Variants in ATRN observed in about 807,000 individuals in gnomAD.
The protein encoded by ATRN is attractin-2.
Under a neutral mutation model 178.7 loss-of-function variants are expected in ATRN, and 54 were observed. The ratio of observed to expected loss-of-function variants is 0.30; its 90% CI spans 0.24 to 0.38. ATRN has a LOEUF of 0.38. ATRN is among the 10% of genes least tolerant of loss of function. ATRN has a pLI of 1.00. For missense variants in ATRN, 1,443 were observed against 1,815.1 expected (o/e 0.79, Z 3.73); for synonymous variants, 636 against 663.0 (o/e 0.96, Z 0.63).
intron 1 of ATRN, among the ~76,000 whole-genome samples, chr20:3,524,346 A>G (rs1387290183): frequency 6.6e-6 from 1 of 152,214 alleles, no homozygotes; most frequent in Non-Finnish European, 1.5e-5. Flanking sequence ...AAAGAGATCA[A>G]TGCAACAAGA....
At chr20:3,479,338 A>G (rs1022181395) in intron 1 of ATRN, among the ~76,000 whole-genome samples, 3 of 152,224 alleles carry the variant, frequency 2.0e-5, no homozygotes, top group African/African-American at 7.2e-5. Flanking sequence ...AGTTATAACT[A>G]TGAAGGGAAG....
At chr20:3,580,946 C>CA (rs989970157) in intron 15 of ATRN, among the ~76,000 whole-genome samples, 21 of 152,050 alleles carry the variant, frequency 1.4e-4, no homozygotes, top group Non-Finnish European at 1.8e-4. Context: ...TTTTTCCTCT[C>CA]AAAAATGGAA....
chr20:3,640,443 A>G (rs2087059219), intron 27 of ATRN, among the ~76,000 whole-genome samples: 1 of 152,236 alleles, frequency 6.6e-6, no homozygotes. Flanking sequence ...CAGAAATGAT[A>G]GCTTTCCAGA....
chr20:3,639,029 T>G, intron 27 of ATRN, 94 bp downstream of exon 27: 1 of 843,618 alleles, frequency 1.2e-6, no homozygotes, highest in Non-Finnish European at 1.8e-6. Flanking sequence ...CCCTATTCCA[T>G]TACCTCCTTT....
chr20:3,515,128 G>T (rs564917098), intron 1 of ATRN, among the ~76,000 whole-genome samples: 1 of 152,080 alleles, frequency 6.6e-6, no homozygotes, highest in Non-Finnish European at 1.5e-5. Context: ...TGTAATGAAC[G>T]TCTAAAACAG....
chr20:3,541,863 A>G (rs1369691324), intron 3 of ATRN, among the ~76,000 whole-genome samples: 1 of 152,232 alleles, frequency 6.6e-6, no homozygotes, highest in East Asian at 1.9e-4. Flanking sequence ...AAATCAGTTC[A>G]ACAAATATTT....
chr20:3,479,273 C>G (rs2084582921), intron 1 of ATRN, among the ~76,000 whole-genome samples: 1 of 152,154 alleles, frequency 6.6e-6, no homozygotes, highest in South Asian at 2.1e-4. Context: ...GTACTGTGCC[C>G]TTCCTTGAGG....
chr20:3,578,746 C>T lies in ATRN; in HGVS notation c.2518C>T (p.Arg840Ter), dbSNP rs1368168673. The change falls in exon 15 of 29, where the codon CGA becomes TGA. Residue 840 changes from arginine to a stop codon, truncating the protein, a stop_gained. Coordinates refer to ENST00000262919, the MANE Select transcript of ATRN (RefSeq NM_139321.3). LOFTEE classifies it high-confidence loss of function. ...KKVEFVLKQL[R>*]IMQSSQSMSK... ...GGTAGAATTTGTCCTTAAGCAGCTGCGAATAATGCAGTCATCTCAGAGCAT... is the reference window on the plus strand; with the variant it reads ...GGTAGAATTTGTCCTTAAGCAGCTGTGAATAATGCAGTCATCTCAGAGCAT... The T allele has an allele frequency of 1.9e-6, 3 of 1,612,998 alleles. No homozygotes were observed. Among genetic ancestry groups the T allele is most frequent in the Admixed American group, 1.7e-5 (1 of 59,836 alleles).
intron 14 of ATRN, among the ~76,000 whole-genome samples, chr20:3,577,809 A>G (rs574241541): frequency 5.3e-5 from 8 of 152,260 alleles, no homozygotes; most frequent in African/African-American, 1.2e-4. Context: ...CGACTGCTAC[A>G]CTGTGAGGAG....
At chr20:3,562,942 C>T (rs2085975295) in intron 9 of ATRN, among the ~76,000 whole-genome samples, 1 of 152,118 alleles carries the variant, frequency 6.6e-6, no homozygotes, top group African/African-American at 2.4e-5. Flanking sequence ...GTCAATATTT[C>T]ACATGATTTC....
At chr20:3,577,320 GCAGT>G (rs1323162031) in intron 14 of ATRN, among the ~76,000 whole-genome samples, 2 of 152,138 alleles carry the variant, frequency 1.3e-5, no homozygotes, top group African/African-American at 2.4e-5. Flanking sequence ...TGATGTCTCA[GCAGT>G]CAGTCTGCTG....
At chr20:3,633,472 G>T (rs1269782858) in intron 25 of ATRN, among the ~76,000 whole-genome samples, 1 of 152,214 alleles carries the variant, frequency 6.6e-6, no homozygotes, top group African/African-American at 2.4e-5. Context: ...AGCTCAGCCA[G>T]CAAGAGAGTA....
chr20:3,509,038 TAAG>T (rs1600054016), intron 1 of ATRN, among the ~76,000 whole-genome samples: 1 of 151,814 alleles, frequency 6.6e-6, no homozygotes, highest in Non-Finnish European at 1.5e-5. Context: ...AATGGAATAA[TAAG>T]AATATTTAAT....
At chr20:3,585,260 T>C (rs1013964655) in intron 18 of ATRN, among the ~76,000 whole-genome samples, 1 of 152,174 alleles carries the variant, frequency 6.6e-6, no homozygotes, top group African/African-American at 2.4e-5. Context: ...GTGAGGACTT[T>C]GTAAGGGAAA....
At chr20:3,521,341 GAAAA>G (rs904230967) in intron 1 of ATRN, among the ~76,000 whole-genome samples, 2 of 142,436 alleles carry the variant, frequency 1.4e-5, no homozygotes, top group South Asian at 4.4e-4. Context: ...AAAGTCAAGA[GAAAA>G]AAAAAACCCA....
intron 10 of ATRN, among the ~76,000 whole-genome samples, chr20:3,564,826 G>A (rs1642591975): frequency 6.6e-6 from 1 of 152,292 alleles, no homozygotes; most frequent in African/African-American, 2.4e-5. Flanking sequence ...AGCACTTTGG[G>A]AGGCCCAGGT....
At chr20:3,604,315 T>C in intron 24 of ATRN, 53 bp downstream of exon 24, 1 of 1,516,082 alleles carries the variant, frequency 6.6e-7, no homozygotes, top group Non-Finnish European at 8.8e-7. Flanking sequence ...ATCTCTTTAG[T>C]AAGACTAAAT....
In ATRN at chr20:3,601,029, A is replaced by G. The variant is rs1470636056; in HGVS notation, c.3643+5A>G. On this transcript the variant is annotated splice_donor_5th_base_variant and intron_variant, in intron 23 of 28. Coordinates refer to ENST00000262919, the MANE Select transcript of ATRN (RefSeq NM_139321.3). ...CCTGGGCTGCCAGTTTCTCAGGTAA[A>G]GACATACCTAGAGAAGACCCCGCAA... 3 of 1,603,908 alleles carry G rather than the reference A, an allele frequency of 1.9e-6. No individual in the cohort carries two copies. The highest frequency in any genetic ancestry group is 4.5e-5 in the East Asian group (2 of 44,800).
chr20:3,546,671 G>A (rs974906851), intron 4 of ATRN, among the ~76,000 whole-genome samples: 2 of 152,072 alleles, frequency 1.3e-5, no homozygotes, highest in Non-Finnish European at 1.5e-5. Flanking sequence ...GATTACAGCC[G>A]TGAGCCACTG....
Sources: allele counts gnomAD v4.1 joint callset (sites outside exome capture counted in the v4.1 genomes callset), GRCh38; gene constraint gnomAD v4.1.1; transcripts MANE v1.5; gene names NCBI Gene and HGNC (gene_info 2026-07-23, HGNC 2026-07-21).